Variants in SLC6A3 observed in about 807,000 individuals in gnomAD.
SLC6A3 encodes the protein solute carrier family 6 member 3.
SLC6A3 carries 19 observed loss-of-function variants against 70.4 expected under a neutral mutation model. That is an observed-to-expected ratio of 0.27 (90% confidence interval 0.19 to 0.40). SLC6A3 has a LOEUF of 0.40. Among genes scored for constraint, SLC6A3 ranks in the 10% least tolerant of loss-of-function variants. The pLI, the probability that SLC6A3 is intolerant of heterozygous loss-of-function variation, is 1.00. For synonymous variants in SLC6A3, 368 were observed against 356.6 expected (o/e 1.03, Z -0.36); for missense variants, 613 against 838.5 (o/e 0.73, Z 3.32).
At chr5:1,417,761 G>A (rs1756340941) in intron 6 of SLC6A3, among the ~76,000 whole-genome samples, 1 of 152,198 alleles carries the variant, frequency 6.6e-6, no homozygotes, top group African/African-American at 2.4e-5. Context: ...TGGTCAGTTA[G>A]GGCTGTTCCT....
chr5:1,416,343 AC>A, intron 6 of SLC6A3, 142 bp from the exon 7 acceptor site: 2 of 704,274 alleles, frequency 2.8e-6, no homozygotes, highest in Admixed American at 4.0e-5. Context: ...GCAGCAGACG[AC>A]TGGTGGAAGA....
chr5:1,432,023 G>A (rs1292777668), intron 4 of SLC6A3, among the ~76,000 whole-genome samples: 1 of 152,184 alleles, frequency 6.6e-6, no homozygotes, highest in Non-Finnish European at 1.5e-5. Flanking sequence ...GAGGGCAAGG[G>A]CCGGAGTGAG....
rs1487054623 is a variant in SLC6A3 at position 1,396,209 on chromosome 5, G to A, written c.1840-1451C>T. On this transcript the variant is annotated intron_variant, in intron 14 of 14. Transcript: ENST00000270349. This position sits in a 1 kb window ranked among gnomAD's most constrained non-coding sequence, Gnocchi z 7.0. ...CATAGCTGAGCTGTGGTTTGTTCACGTGACGGACGGTCAGGGACCAGTCAC... is the reference window on the plus strand; with the variant it reads ...CATAGCTGAGCTGTGGTTTGTTCACATGACGGACGGTCAGGGACCAGTCAC... 2.0e-5 allele frequency among the ~76,000 whole-genome samples: 3 copies of A among 152,228 alleles called. No individual in the cohort carries two copies. The highest frequency in any genetic ancestry group is 2.1e-4 in the South Asian group (1 of 4,830).
At chr5:1,420,017 G>A (rs897873210) in intron 6 of SLC6A3, among the ~76,000 whole-genome samples, 9 of 152,054 alleles carry the variant, frequency 5.9e-5, no homozygotes, top group Non-Finnish European at 7.4e-5. Context: ...ACCTCTCAAC[G>A]GCCTCCTGCC....
chr5:1,400,638 G>A (rs533530221), intron 14 of SLC6A3, among the ~76,000 whole-genome samples: 1 of 152,312 alleles, frequency 6.6e-6, no homozygotes, highest in African/African-American at 2.4e-5. Context: ...TGCTCCCGTG[G>A]TCTGGGACAT....
intron 1 of SLC6A3, among the ~76,000 whole-genome samples, chr5:1,444,654 AG>A (rs1733755432): frequency 6.6e-6 from 1 of 152,234 alleles, no homozygotes; most frequent in South Asian, 2.1e-4. Context: ...CGGCGCGAGC[AG>A]GAGGCCGCGT....
intron 8 of SLC6A3, 95 bp downstream of exon 8, chr5:1,414,596 G>T: frequency 3.5e-6 from 5 of 1,444,042 alleles, no homozygotes; most frequent in Non-Finnish European, 9.4e-7. Context: ...CAGGGCCCAT[G>T]CGTCTCCTTC....
In SLC6A3 at chr5:1,411,928, G is replaced by A. The variant is rs903808654; in HGVS notation, c.1157-573C>T. Among the ~76,000 whole-genome samples, 10 of 151,794 alleles carry A rather than the reference G, an allele frequency of 6.6e-5. No individual in the cohort carries two copies. The highest frequency in any genetic ancestry group is 2.6e-4 in the Admixed American group (4 of 15,244). ...AATATACACACACAGACACATGCGC[G>A]CACATGCACGAACACTCATTTGTGC... On this transcript the variant is annotated intron_variant, in intron 8 of 14. Transcript: ENST00000270349. This position sits in a 1 kb window ranked among gnomAD's most constrained non-coding sequence, Gnocchi z 6.5.
rs374326523 is a variant in SLC6A3 at position 1,416,814 on chromosome 5, G to A, written c.928-613C>T. 3.3e-4 allele frequency among the ~76,000 whole-genome samples: 46 copies of A among 138,824 alleles called. 1 individual carries two copies. In the East Asian group the frequency reaches 5.7e-3, roughly 17 times the overall value. 91.1% of individuals were successfully genotyped at this position (138,824 alleles called of 152,430 possible). A position where few individuals can be genotyped will look rare whatever the true frequency, so the allele number is the denominator to read the frequency against. ...GGACTCATCCACACACAACATGACC[G>A]CAGCGTCCTAATAGCCCTCGGAACA... On this transcript the variant is annotated intron_variant, in intron 6 of 14. Transcript: ENST00000270349.
chr5:1,432,953 G>T (rs1756740176), intron 3 of SLC6A3, among the ~76,000 whole-genome samples: 1 of 152,052 alleles, frequency 6.6e-6, no homozygotes, highest in Non-Finnish European at 1.5e-5. Context: ...AGGACTTTCA[G>T]GGTGTCTCTG....
chr5:1,394,212 G>A lies in SLC6A3; in HGVS notation c.*523C>T, dbSNP rs2111326890. ...CTGCTGGGAGCCACGCATCGGGAAAGGACTTTGCATGAATTTGTGGTTTCC... is the reference window on the plus strand; with the variant it reads ...CTGCTGGGAGCCACGCATCGGGAAAAGACTTTGCATGAATTTGTGGTTTCC... On this transcript the variant is annotated 3_prime_UTR_variant, in exon 15 of 15. Transcript: ENST00000270349. The surrounding 1 kb of genome is among the most constrained non-coding windows in gnomAD (Gnocchi z 4.7). 1 of 191,868 alleles carries A rather than the reference G, an allele frequency of 5.2e-6. No homozygotes were observed. Among genetic ancestry groups the A allele is most frequent in the African/African-American group, 2.3e-5 (1 of 42,788 alleles). 11.9% of individuals were successfully genotyped at this position (191,868 alleles called of 1,614,324 possible).
At chr5:1,414,628 T>C in intron 8 of SLC6A3, 63 bp downstream of exon 8, 1 of 1,588,684 alleles carries the variant, frequency 6.3e-7, no homozygotes, top group South Asian at 1.1e-5. Context: ...GGAAAAAGGC[T>C]TTGCTGAGAG....
At position 1,436,446 on chromosome 5, in the gene SLC6A3, G is replaced by A. The variant is rs559079431; in HGVS notation, c.419-3748C>T. Among the ~76,000 whole-genome samples, 1 of 152,282 alleles carries A rather than the reference G, an allele frequency of 6.6e-6. No homozygotes were observed. The highest frequency in any genetic ancestry group is 1.9e-4 in the East Asian group (1 of 5,180). ...CAAAGTCCCTGCTCGCGTTTCCAGG[G>A]AAAACATTCATGAGAACATGGCGCT... On this transcript the variant is annotated intron_variant, in intron 3 of 14. Transcript: ENST00000270349. This position sits in a 1 kb window ranked among gnomAD's most constrained non-coding sequence, Gnocchi z 5.2.
At chr5:1,423,118 C>CCA (rs1404694037) in intron 4 of SLC6A3, among the ~76,000 whole-genome samples, 33 of 89,504 alleles carry the variant, frequency 3.7e-4, no homozygotes, top group Non-Finnish European at 6.2e-4. Flanking sequence ...CCACTGCTGC[C>CCA]CAGTGCTGCC....
chr5:1,416,549 A>T, intron 6 of SLC6A3: 2 of 409,228 alleles, frequency 4.9e-6, no homozygotes, highest in South Asian at 2.4e-5. Flanking sequence ...ACAGCATCCT[A>T]ATAACCCTCG....
chr5:1,415,754 AC>A (rs906977815), intron 7 of SLC6A3, among the ~76,000 whole-genome samples: 3 of 151,110 alleles, frequency 2.0e-5, no homozygotes, highest in African/African-American at 7.3e-5. Flanking sequence ...GAGGACAGAG[AC>A]CCCCCGGGGC....
At chr5:1,403,493 C>A (rs1213553756) in intron 12 of SLC6A3, among the ~76,000 whole-genome samples, 1 of 138,852 alleles carries the variant, frequency 7.2e-6, no homozygotes, top group Non-Finnish European at 1.6e-5. Context: ...ATGTTCTATT[C>A]CATCCCATCC....
In SLC6A3 at chr5:1,401,010, G is replaced by T. The variant is rs2126319697; in HGVS notation, c.1768-24C>A. The T allele has an allele frequency of 1.9e-6, 3 of 1,563,936 alleles. No individual in the cohort carries two copies. The highest frequency in any genetic ancestry group is 4.6e-5 in the East Asian group (2 of 43,242). On this transcript the variant is annotated intron_variant, in intron 13 of 14. Coordinates refer to ENST00000270349, the MANE Select transcript of SLC6A3 (RefSeq NM_001044.5). This position sits in a 1 kb window ranked among gnomAD's most constrained non-coding sequence, Gnocchi z 6.1. ...TTCTGAAAGAGAAAGAGAGTGCAGGGGTCAGTGCAGACCAGTACCCACTGC... is the reference window on the plus strand; with the variant it reads ...TTCTGAAAGAGAAAGAGAGTGCAGGTGTCAGTGCAGACCAGTACCCACTGC...
At position 1,422,004 on chromosome 5, in the gene SLC6A3, G is replaced by A. The variant is rs1756448115; in HGVS notation, c.664C>T (p.Leu222=). The change falls in exon 5 of 15, where the codon CTG becomes TTG. Residue 222 remains leucine (L), a synonymous_variant. Coordinates refer to ENST00000270349, the MANE Select transcript of SLC6A3 (RefSeq NM_001044.5). ...ATGCCATGGCTCTGGTGGAGGTGCAGCACGCCACGTCTGCAGAGGGGAGTC... is the reference window on the plus strand; with the variant it reads ...ATGCCATGGCTCTGGTGGAGGTGCAACACGCCACGTCTGCAGAGGGGAGTC... The part of the protein sequence containing the change: ...PAAEYFERGV[L]HLHQSHGIDD... The A allele has an allele frequency of 6.2e-7, 1 of 1,611,818 alleles. No homozygotes were observed. The highest frequency in any genetic ancestry group is 8.5e-7 in the Non-Finnish European group (1 of 1,179,998).
Sources: allele counts gnomAD v4.1 joint callset (sites outside exome capture counted in the v4.1 genomes callset), GRCh38; gene constraint gnomAD v4.1.1; non-coding constraint Gnocchi (gnomAD v3.1); transcripts MANE v1.5; gene names NCBI Gene and HGNC (gene_info 2026-07-23, HGNC 2026-07-21).